The following STAU2 variants were observed in gnomAD, a reference collection of about 807,000 sequenced individuals.
STAU2 encodes staufen double-stranded RNA binding protein 2.
STAU2 carries 20 observed loss-of-function variants against 65.9 expected under a neutral mutation model. That is an observed-to-expected ratio of 0.30 (90% CI 0.21 to 0.44). STAU2 has a LOEUF of 0.44. Ranked by LOEUF, STAU2 falls within the 20% of genes least tolerant of loss-of-function variation. The pLI, the probability that STAU2 is intolerant of heterozygous loss-of-function variation, is 1.00. For missense variants in STAU2, 558 were observed against 683.9 expected (o/e 0.82, Z 2.05); for synonymous variants, 232 against 233.9 (o/e 0.99, Z 0.07).
intron 5 of STAU2, chr8:73,675,389 A>ACG (rs1817967990): frequency 6.6e-6 from 1 of 151,976 alleles, no homozygotes; most frequent in Non-Finnish European, 1.5e-5. Context: ...ACACACACAC[A>ACG]CACACACACA....
intron 13 of STAU2, among the ~76,000 whole-genome samples, chr8:73,457,502 A>T (rs1037041316): frequency 6.6e-6 from 1 of 152,254 alleles, no homozygotes; most frequent in Non-Finnish European, 1.5e-5. Flanking sequence ...TGCTGTCACA[A>T]GGGAATTTCA....
chr8:73,469,979 C>T (rs962629418), intron 13 of STAU2, among the ~76,000 whole-genome samples: 2 of 152,114 alleles, frequency 1.3e-5, no homozygotes, highest in East Asian at 1.9e-4. Context: ...CCATCTGAAG[C>T]GAGAAGCCCT....
chr8:73,517,440 A>G (rs1405846083), intron 13 of STAU2, among the ~76,000 whole-genome samples: 1 of 151,856 alleles, frequency 6.6e-6, no homozygotes. Flanking sequence ...ATAAAAATAA[A>G]TAAATAAAGG....
intron 4 of STAU2, among the ~76,000 whole-genome samples, chr8:73,704,585 G>A (rs1820363416): frequency 6.6e-6 from 1 of 152,120 alleles, no homozygotes; most frequent in Non-Finnish European, 1.5e-5. Context: ...CAAAAAAGTG[G>A]GTAGGGGATG....
intron 6 of STAU2, among the ~76,000 whole-genome samples, chr8:73,656,673 C>T (rs971291115): frequency 8.5e-5 from 13 of 152,190 alleles, no homozygotes; most frequent in Admixed American, 4.6e-4. Context: ...TTATCATACA[C>T]TTCAAATATA....
chr8:73,485,137 T>C (rs1227411140), intron 13 of STAU2, among the ~76,000 whole-genome samples: 3 of 122,068 alleles, frequency 2.5e-5, no homozygotes, highest in African/African-American at 9.1e-5. Flanking sequence ...ACTACATCCT[T>C]ACTCTTTTTT....
intron 13 of STAU2, among the ~76,000 whole-genome samples, chr8:73,484,929 C>T (rs972961908): frequency 3.3e-5 from 5 of 152,034 alleles, no homozygotes; most frequent in Non-Finnish European, 5.9e-5. Context: ...CTTTTCCATA[C>T]CTTATTAATT....
At chr8:73,555,913 GT>G (rs1407789348) in intron 12 of STAU2, among the ~76,000 whole-genome samples, 1 of 151,880 alleles carries the variant, frequency 6.6e-6, no homozygotes, top group Non-Finnish European at 1.5e-5. Flanking sequence ...ACATGTGTTA[GT>G]TTTTTTATAA....
chr8:73,649,226 T>A (rs758271906), intron 6 of STAU2, among the ~76,000 whole-genome samples: 21 of 152,226 alleles, frequency 1.4e-4, no homozygotes, highest in Admixed American at 3.3e-4. Flanking sequence ...ACATCCCATA[T>A]TCTTGTTTCT....
chr8:73,575,982 C>T (rs1809517256), intron 12 of STAU2, among the ~76,000 whole-genome samples: 1 of 151,946 alleles, frequency 6.6e-6, no homozygotes, highest in Non-Finnish European at 1.5e-5. Context: ...GGAATTTGAA[C>T]TAAACTTCAA....
intron 3 of STAU2, among the ~76,000 whole-genome samples, chr8:73,710,209 C>T (rs1056922582): frequency 6.6e-6 from 1 of 151,856 alleles, no homozygotes; most frequent in Non-Finnish European, 1.5e-5. Flanking sequence ...CAAACAGTAT[C>T]CCATTATTGT....
At chr8:73,704,359 T>C (rs1210752804) in intron 4 of STAU2, among the ~76,000 whole-genome samples, 1 of 152,160 alleles carries the variant, frequency 6.6e-6, no homozygotes, top group Non-Finnish European at 1.5e-5. Context: ...TGATCCTTGT[T>C]TGGACCCTAT....
At chr8:73,547,915 A>T (rs1807048323) in intron 13 of STAU2, among the ~76,000 whole-genome samples, 1 of 152,222 alleles carries the variant, frequency 6.6e-6, no homozygotes, top group South Asian at 2.1e-4. Flanking sequence ...AATTGAAAAA[A>T]AACCACAAAA....
At chr8:73,592,161 C>A in intron 11 of STAU2, among the ~76,000 whole-genome samples, 1 of 151,358 alleles carries the variant, frequency 6.6e-6, no homozygotes, top group South Asian at 2.1e-4. Context: ...AAAATCAATG[C>A]AACTAAAACC....
chr8:73,650,462 G>A (rs1359789023), intron 6 of STAU2, among the ~76,000 whole-genome samples: 1 of 151,898 alleles, frequency 6.6e-6, no homozygotes, highest in Non-Finnish European at 1.5e-5. Flanking sequence ...TATATACTGG[G>A]TCACATTATT....
intron 4 of STAU2, among the ~76,000 whole-genome samples, chr8:73,697,792 G>C (rs926232178): frequency 1.3e-5 from 2 of 152,132 alleles, no homozygotes; most frequent in Non-Finnish European, 2.9e-5. Context: ...ATAAGTATTA[G>C]TATTTGCACC....
Position 73,631,452 on chromosome 8 carries a change from C to T in STAU2, c.411-14001G>A, listed in dbSNP as rs150961492. Reference sequence around the variant, plus strand: ...CACCAAGCAGTGTGCAGAAGATAAGCTGATAAATTCAGATACTATAAAAAC... The same window carrying T: ...CACCAAGCAGTGTGCAGAAGATAAGTTGATAAATTCAGATACTATAAAAAC... On this transcript the variant is annotated intron_variant, in intron 6 of 14. Coordinates refer to ENST00000524300, the MANE Select transcript of STAU2 (RefSeq NM_001164380.2). Among the ~76,000 whole-genome samples the T allele has an allele frequency of 4.1e-4, 62 of 150,878 alleles. 1 individual carries two copies. The Middle Eastern group carries it at 0.011, about 26-fold the overall frequency.
chr8:73,671,136 A>C (rs914661232), intron 6 of STAU2, among the ~76,000 whole-genome samples: 2 of 152,188 alleles, frequency 1.3e-5, no homozygotes, highest in African/African-American at 4.8e-5. Flanking sequence ...AATTTTAAAA[A>C]CTACTACTTG....
intron 13 of STAU2, among the ~76,000 whole-genome samples, chr8:73,534,232 A>T (rs1266736776): frequency 1.3e-5 from 2 of 152,232 alleles, no homozygotes; most frequent in Admixed American, 6.5e-5. Context: ...CTGAAGAGTG[A>T]CAGTTGAACA....
Sources: gnomAD v4.1 joint callset for allele counts (sites outside exome capture counted in the v4.1 genomes callset) on GRCh38, gnomAD v4.1.1 for gene constraint, MANE v1.5 for transcripts, NCBI Gene and HGNC (gene_info 2026-07-23, HGNC 2026-07-21) for gene names.